The following STK39 variants were observed in gnomAD, a reference collection of about 807,000 sequenced individuals.
STK39 encodes STE20/SPS1-related proline-alanine-rich protein kinase.
A neutral mutation model predicts 77.8 loss-of-function variants in STK39; 20 were observed. That is an observed-to-expected ratio of 0.26 (90% CI 0.18 to 0.37). STK39 has a LOEUF of 0.37. Ranked by LOEUF, STK39 falls within the 10% of genes least tolerant of loss-of-function variation. The pLI is 1.00. For missense variants in STK39, 479 were observed against 656.5 expected, an observed-to-expected ratio of 0.73 and a Z score of 2.95; for synonymous variants, 246 against 234.1, an observed-to-expected ratio of 1.05 and a Z score of -0.47.
At chr2:167,958,986 T>C (rs1413752356) in intron 17 of STK39, among the ~76,000 whole-genome samples, 4 of 152,204 alleles carry the variant, frequency 2.6e-5, no homozygotes, top group Non-Finnish European at 5.9e-5. Context: ...ACCAATCTCA[T>C]CAGAAAAGTC....
chr2:168,190,468 G>A (rs947213131), intron 1 of STK39, among the ~76,000 whole-genome samples: 4 of 152,124 alleles, frequency 2.6e-5, no homozygotes, highest in Admixed American at 2.0e-4. Context: ...CTAAAGTCAG[G>A]TCTCATAGGA....
At chr2:168,191,940 A>T (rs1327919306) in intron 1 of STK39, among the ~76,000 whole-genome samples, 2 of 152,102 alleles carry the variant, frequency 1.3e-5, no homozygotes, top group Non-Finnish European at 2.9e-5. Context: ...ATTAGACTCT[A>T]CACATTTAGG....
At chr2:168,120,928 T>C (rs1687389150) in intron 10 of STK39, among the ~76,000 whole-genome samples, 1 of 152,188 alleles carries the variant, frequency 6.6e-6, no homozygotes, top group African/African-American at 2.4e-5. Context: ...CCTGGCAAAC[T>C]TCCCAGATTC....
intron 5 of STK39, among the ~76,000 whole-genome samples, chr2:168,150,598 CTTTCTCTCTCA>C (rs1688254214): frequency 6.6e-6 from 1 of 151,968 alleles, no homozygotes; most frequent in Admixed American, 6.5e-5. Context: ...GGCACTACTC[CTTTCTCTCTCA>C]TTTGTGAAAA....
intron 16 of STK39, among the ~76,000 whole-genome samples, chr2:168,002,325 A>G (rs1006549909): frequency 6.6e-6 from 1 of 152,234 alleles, no homozygotes; most frequent in Non-Finnish European, 1.5e-5. Flanking sequence ...GAAATTACAG[A>G]TGTTATTTTA....
chr2:168,209,988 C>A (rs1423626739), intron 1 of STK39, among the ~76,000 whole-genome samples: 1 of 123,088 alleles, frequency 8.1e-6, no homozygotes, highest in Non-Finnish European at 1.6e-5. Flanking sequence ...CAAAGTGAGA[C>A]TCTATCTCAA....
chr2:168,040,359 C>A (rs1371721089), intron 14 of STK39, among the ~76,000 whole-genome samples: 1 of 152,104 alleles, frequency 6.6e-6, no homozygotes, highest in Non-Finnish European at 1.5e-5. Context: ...AAAATATAAA[C>A]CCTTAAGTTG....
intron 16 of STK39, among the ~76,000 whole-genome samples, chr2:167,970,968 T>C (rs6730927): frequency 0.23 from 34,327 of 151,864 alleles, 4,335 homozygotes; most frequent in African/African-American, 0.32. Context: ...GCCCAATTTG[T>C]GAATCATTCA....
At chr2:168,157,463 T>C (rs1688463391) in intron 5 of STK39, among the ~76,000 whole-genome samples, 1 of 152,172 alleles carries the variant, frequency 6.6e-6, no homozygotes. Context: ...TACCTTAGAC[T>C]GGGTGACTTA....
At chr2:168,048,531 T>C (rs1216236539) in intron 14 of STK39, among the ~76,000 whole-genome samples, 1 of 113,284 alleles carries the variant, frequency 8.8e-6, no homozygotes, top group African/African-American at 3.0e-5. Context: ...CTATGCTTTT[T>C]AAGTTCAGGT....
chr2:168,153,639 T>TG (rs11340305), intron 5 of STK39, among the ~76,000 whole-genome samples: 5,754 of 134,524 alleles, frequency 0.043, 134 homozygotes, highest in Non-Finnish European at 0.064. Flanking sequence ...AAATATGGGG[T>TG]GGGGGGGGGT....
At chr2:168,116,166 C>T (rs1175815488) in intron 10 of STK39, among the ~76,000 whole-genome samples, 4 of 152,182 alleles carry the variant, frequency 2.6e-5, no homozygotes, top group Non-Finnish European at 5.9e-5. Flanking sequence ...ATCTGCCTCT[C>T]ACAGCTTTCC....
chr2:168,060,132 C>A (rs549380679), intron 14 of STK39, among the ~76,000 whole-genome samples: 16 of 152,196 alleles, frequency 1.1e-4, no homozygotes, highest in Non-Finnish European at 1.8e-4. Flanking sequence ...ACATCCCCCC[C>A]CTTTCCACCC....
chr2:168,127,195 G>C lies in STK39; in HGVS notation c.1089+2346C>G, dbSNP rs193000451. 1.4e-3 allele frequency among the ~76,000 whole-genome samples: 211 copies of C among 152,306 alleles called. 1 individual carries two copies. Among genetic ancestry groups the C allele is most frequent in the Non-Finnish European group, 2.5e-3 (167 of 68,030 alleles). Reference sequence around the variant, plus strand: ...GAGACGGGGTCTTGCTCTGCCGCTAGGCTGGAGTGCAGTGGCACAATCTCG... The same window carrying C: ...GAGACGGGGTCTTGCTCTGCCGCTACGCTGGAGTGCAGTGGCACAATCTCG... On this transcript the variant is annotated intron_variant, in intron 10 of 17. Coordinates refer to ENST00000355999, the MANE Select transcript of STK39 (RefSeq NM_013233.3).
chr2:168,054,294 C>T (rs1685468692), intron 14 of STK39, among the ~76,000 whole-genome samples: 1 of 152,194 alleles, frequency 6.6e-6, no homozygotes, highest in Non-Finnish European at 1.5e-5. Context: ...CAAGACCCAC[C>T]TCTGCTTCTT....
chr2:167,995,224 C>T (rs1683805408), intron 16 of STK39, among the ~76,000 whole-genome samples: 1 of 151,964 alleles, frequency 6.6e-6, no homozygotes, highest in Admixed American at 6.6e-5. Context: ...ATTCTCCTGC[C>T]TCAGCCTGCT....
chr2:168,100,759 G>A (rs1199962561), intron 10 of STK39, among the ~76,000 whole-genome samples: 1 of 152,162 alleles, frequency 6.6e-6, no homozygotes, highest in East Asian at 1.9e-4. Flanking sequence ...ACTGTTGGTG[G>A]GAGTGTAAAT....
chr2:168,036,932 A>C (rs1684971186), intron 14 of STK39, among the ~76,000 whole-genome samples: 1 of 152,246 alleles, frequency 6.6e-6, no homozygotes, highest in African/African-American at 2.4e-5. Context: ...GGACTTCAGC[A>C]GGTAATCACT....
chr2:168,100,730 G>A (rs1251528927), intron 10 of STK39, among the ~76,000 whole-genome samples: 1 of 152,202 alleles, frequency 6.6e-6, no homozygotes, highest in Non-Finnish European at 1.5e-5. Flanking sequence ...AGGATGTGGA[G>A]AAGTAGGAAC....
Sources: gnomAD v4.1 joint callset for allele counts (sites outside exome capture counted in the v4.1 genomes callset) on GRCh38, gnomAD v4.1.1 for gene constraint, MANE v1.5 for transcripts, NCBI Gene and HGNC (gene_info 2026-07-23, HGNC 2026-07-21) for gene names.